ZBTB16: variants seen among roughly 807,000 people sequenced by gnomAD.
ZBTB16 encodes the protein zinc finger and BTB domain containing 16.
A neutral mutation model predicts 56.8 loss-of-function variants in ZBTB16; 8 were observed. The observed-to-expected ratio is 0.14, with a 90% confidence interval of 0.08 to 0.25. ZBTB16 has a LOEUF of 0.25. Among genes scored for constraint, ZBTB16 ranks in the 10% least tolerant of loss-of-function variants. The pLI, the probability that ZBTB16 is intolerant of heterozygous loss-of-function variation, is 1.00. For synonymous variants in ZBTB16, 363 were observed against 368.5 expected, an observed-to-expected ratio of 0.98 and a Z score of 0.17; for missense variants, 625 against 903.0, an observed-to-expected ratio of 0.69 and a Z score of 3.95.
At chr11:114,118,052 A>C (rs1176226808) in intron 2 of ZBTB16, among the ~76,000 whole-genome samples, 2 of 152,210 alleles carry the variant, frequency 1.3e-5, no homozygotes, top group African/African-American at 2.4e-5. Context: ...GTGTAGAGGC[A>C]CAACTGACTT....
intron 4 of ZBTB16, among the ~76,000 whole-genome samples, chr11:114,222,279 G>A (rs1016599623): frequency 6.6e-6 from 1 of 152,144 alleles, no homozygotes; most frequent in African/African-American, 2.4e-5. Flanking sequence ...CATCCATGCT[G>A]TTTAATTCTC....
chr11:114,229,249 C>T (rs571715073), intron 4 of ZBTB16, among the ~76,000 whole-genome samples: 13 of 152,302 alleles, frequency 8.5e-5, no homozygotes, highest in African/African-American at 2.4e-4. Context: ...TAGCCCAACT[C>T]GAATGCCAAT....
intron 2 of ZBTB16, among the ~76,000 whole-genome samples, chr11:114,089,119 C>G (rs886134282): frequency 3.3e-5 from 5 of 152,224 alleles, no homozygotes; most frequent in African/African-American, 7.2e-5. Flanking sequence ...TGTGGAAGAG[C>G]CTTCATGAAG....
intron 2 of ZBTB16, among the ~76,000 whole-genome samples, chr11:114,148,465 C>CTTTCTTTCTT (rs1187503856): frequency 0.015 from 780 of 53,488 alleles, 94 homozygotes; most frequent in Non-Finnish European, 0.019. Flanking sequence ...CTGTCTCTCT[C>CTTTCTTTCTT]TCTCTCTTTC....
At chr11:114,103,101 G>T (rs1394459349) in intron 2 of ZBTB16, among the ~76,000 whole-genome samples, 1 of 152,214 alleles carries the variant, frequency 6.6e-6, no homozygotes, top group East Asian at 1.9e-4. Flanking sequence ...ATTGATAATT[G>T]TTTCTGCTTT....
At chr11:114,207,202 T>G (rs922451140) in intron 4 of ZBTB16, among the ~76,000 whole-genome samples, 9 of 152,140 alleles carry the variant, frequency 5.9e-5, no homozygotes, top group Non-Finnish European at 1.0e-4. Flanking sequence ...GCATCATCAT[T>G]GTCTTACCCC....
chr11:114,158,281 C>T (rs1056598758), intron 3 of ZBTB16, among the ~76,000 whole-genome samples: 1 of 152,194 alleles, frequency 6.6e-6, no homozygotes, highest in Non-Finnish European at 1.5e-5. Context: ...GCCCTCTCAG[C>T]CGCAGTAAGC....
chr11:114,080,921 G>A (rs1462804091), intron 2 of ZBTB16, among the ~76,000 whole-genome samples: 2 of 152,164 alleles, frequency 1.3e-5, no homozygotes, highest in Non-Finnish European at 2.9e-5. Context: ...GCAGGCGTGG[G>A]CTCTCAATGT....
chr11:114,125,728 C>T (rs909191518), intron 2 of ZBTB16, among the ~76,000 whole-genome samples: 6 of 152,124 alleles, frequency 3.9e-5, no homozygotes, highest in African/African-American at 1.4e-4. Flanking sequence ...GCGGTGCTGG[C>T]TGGAGGGGGT....
At chr11:114,220,362 A>G (rs567527686) in intron 4 of ZBTB16, among the ~76,000 whole-genome samples, 1 of 152,150 alleles carries the variant, frequency 6.6e-6, no homozygotes, top group Non-Finnish European at 1.5e-5. Context: ...TGTGCAATGC[A>G]TGCATGTGAG....
At chr11:114,150,438 C>T (rs943887376) in intron 2 of ZBTB16, among the ~76,000 whole-genome samples, 1 of 152,134 alleles carries the variant, frequency 6.6e-6, no homozygotes, top group African/African-American at 2.4e-5. Flanking sequence ...GGTTCAAGAC[C>T]AGCCCAGACA....
intron 2 of ZBTB16, among the ~76,000 whole-genome samples, chr11:114,117,927 T>G (rs1465633079): frequency 6.6e-6 from 1 of 152,128 alleles, no homozygotes; most frequent in African/African-American, 2.4e-5. Flanking sequence ...AGAGCAGAGA[T>G]AGATATTTTC....
In ZBTB16 at chr11:114,114,109, G is replaced by A. The variant is rs58425872; in HGVS notation, c.1269-42228G>A. ...GTTTCTATCTCCATGATTTATTTTC[G>A]GGAAATAAGTAGAGATACTGGGGTC... On this transcript the variant is annotated intron_variant, in intron 2 of 6. Transcript: ENST00000335953. Among the ~76,000 whole-genome samples the A allele has an allele frequency of 7.6e-3, 1,153 of 152,238 alleles. 15 individuals carry two copies. The highest frequency in any genetic ancestry group is 0.025 in the African/African-American group (1,028 of 41,528).
intron 2 of ZBTB16, among the ~76,000 whole-genome samples, chr11:114,066,278 G>T (rs1374379578): frequency 1.3e-5 from 2 of 152,178 alleles, no homozygotes; most frequent in Non-Finnish European, 2.9e-5. Flanking sequence ...GGCTTAACTT[G>T]TGGAAAGTGT....
intron 3 of ZBTB16, among the ~76,000 whole-genome samples, chr11:114,161,779 A>G (rs543693769): frequency 6.6e-6 from 1 of 152,226 alleles, no homozygotes; most frequent in Admixed American, 6.5e-5. Flanking sequence ...AGAGGGTGAC[A>G]TATTTTTGTG....
chr11:114,125,572 T>C (rs544920104), intron 2 of ZBTB16, among the ~76,000 whole-genome samples: 1 of 152,024 alleles, frequency 6.6e-6, no homozygotes, highest in African/African-American at 2.4e-5. Context: ...TTTTTTTTTT[T>C]CATCGAGCCT....
chr11:114,161,981 T>G (rs952251223), intron 3 of ZBTB16, among the ~76,000 whole-genome samples: 1 of 152,222 alleles, frequency 6.6e-6, no homozygotes, highest in Non-Finnish European at 1.5e-5. Flanking sequence ...GCCCCATCCT[T>G]CCACTCCTCT....
intron 2 of ZBTB16, among the ~76,000 whole-genome samples, chr11:114,094,216 G>A (rs1370975295): frequency 1.7e-5 from 2 of 118,220 alleles, no homozygotes; most frequent in East Asian, 4.5e-4. Flanking sequence ...TCGAGAGGCT[G>A]AGGCTGGAGG....
chr11:114,230,645 G>GGGGA (rs1375612792), intron 4 of ZBTB16, among the ~76,000 whole-genome samples: 11 of 114,410 alleles, frequency 9.6e-5, no homozygotes, highest in East Asian at 2.5e-4. Flanking sequence ...GGGGGGGCGG[G>GGGGA]AAGGAGAGGA....
Sources: allele counts gnomAD v4.1 joint callset (sites outside exome capture counted in the v4.1 genomes callset), GRCh38; gene constraint gnomAD v4.1.1; transcripts MANE v1.5; gene names NCBI Gene and HGNC (gene_info 2026-07-23, HGNC 2026-07-21).